The following GPSM1 variants were observed in gnomAD, a reference collection of about 807,000 sequenced individuals.
The protein encoded by GPSM1 is G protein-signaling modulator 1.
GPSM1 carries 48 observed loss-of-function variants against 70.5 expected under a neutral mutation model. The observed-to-expected ratio is 0.68, with a 90% CI of 0.54 to 0.87. The LOEUF (loss-of-function observed/expected upper bound fraction) is 0.87. Ranked by LOEUF, GPSM1 falls within the 40% of genes least tolerant of loss-of-function variation. The pLI is 0.00. For synonymous variants in GPSM1, 416 were observed against 430.1 expected, an observed-to-expected ratio of 0.97 and a Z score of 0.41; for missense variants, 981 against 972.6, an observed-to-expected ratio of 1.01 and a Z score of -0.11.
rs570436056 is a variant in GPSM1 at position 136,356,373 on chromosome 9, C to T, written c.1644C>T (p.Thr548=). The change falls in exon 13 of 14, where the codon ACC becomes ACT. Residue 548 remains threonine, a synonymous_variant. Transcript: ENST00000440944. ...CCTCGATGACGGCCTCGCCCCAGAC[C>T]GAGGAATTCTTCGACCTCATCGCCA... ...AQPSMTASPQ[T]EEFFDLIASS... The T allele has an allele frequency of 6.5e-5, 104 of 1,604,098 alleles. No homozygotes were observed. The South Asian group carries it at 6.5e-4, about 10-fold the overall frequency.
chr9:136,337,743 C>G (rs1433478629), intron 5 of GPSM1, 103 bp from the exon 6 acceptor site: 1 of 1,053,448 alleles, frequency 9.5e-7, no homozygotes, highest in African/African-American at 1.6e-5. Flanking sequence ...CCCGGACACA[C>G]AGATCTCTGG....
chr9:136,333,627 G>A (rs782474427), intron 1 of GPSM1, among the ~76,000 whole-genome samples: 46 of 152,226 alleles, frequency 3.0e-4, no homozygotes, highest in Non-Finnish European at 5.4e-4. Flanking sequence ...TCAGAAGAGG[G>A]CCTGGCCCTT....
chr9:136,338,147 G>A (rs1832294799), intron 6 of GPSM1, among the ~76,000 whole-genome samples, 186 bp downstream of exon 6: 2 of 152,288 alleles, frequency 1.3e-5, no homozygotes, highest in South Asian at 2.1e-4. Context: ...CAGGCGGTGG[G>A]GGAGCCGGCC....
intron 2 of GPSM1, among the ~76,000 whole-genome samples, 166 bp downstream of exon 2, chr9:136,334,834 G>A (rs1311512329): frequency 1.3e-5 from 2 of 150,894 alleles, no homozygotes; most frequent in African/African-American, 2.4e-5. Flanking sequence ...GGTGAGTGGG[G>A]ACGGCCCTGC....
At position 136,355,801 on chromosome 9, in the gene GPSM1, G is replaced by A. The variant is rs782806943; in HGVS notation, c.1567G>A (p.Gly523Arg). Reference protein sequence around the residue: ...QRCPLDDGQAGAAEATAAPTL... With the variant: ...QRCPLDDGQARAAEATAAPTL... ...TTGTCCCCTGGACGATGGCCAGGCC[G>A]GGGCTGCCGAGGCCACGGCCGCCCC... Residue 523 changes from glycine to arginine, a missense_variant, in exon 12 of 14, where the codon GGG (glycine) becomes AGG (arginine). Transcript: ENST00000440944. 5.3e-5 allele frequency: 85 copies of A among 1,611,624 alleles called. No homozygotes were observed. In the Middle Eastern group the frequency reaches 6.6e-4, roughly 12 times the overall value.
intron 7 of GPSM1, 136 bp downstream of exon 7, chr9:136,338,846 T>TC: frequency 1.1e-6 from 1 of 914,736 alleles, no homozygotes; most frequent in Non-Finnish European, 1.6e-6. Flanking sequence ...GCAACGCCAC[T>TC]GTGGGGACTG....
chr9:136,332,861 A>C (rs1483245271), intron 1 of GPSM1, among the ~76,000 whole-genome samples: 1 of 138,374 alleles, frequency 7.2e-6, no homozygotes, highest in Non-Finnish European at 1.6e-5. Flanking sequence ...AAAAAAAAAA[A>C]AGCTGGGCAT....
At chr9:136,329,819 TCTGGGTCGGTGGGGACGGGGCCCTGGGTG>T (rs1832060181) in intron 1 of GPSM1, among the ~76,000 whole-genome samples, 1 of 107,058 alleles carries the variant, frequency 9.3e-6, no homozygotes, top group Non-Finnish European at 2.0e-5. Flanking sequence ...GCCCCTGGGT[TCTGGGTCGGTGGGGACGGGGCCCTGGGTG>T]CTGGGTCGGT....
chr9:136,337,409 A>G, intron 4 of GPSM1, 32 bp from the exon 5 acceptor site: 1 of 1,562,598 alleles, frequency 6.4e-7, no homozygotes, highest in Non-Finnish European at 8.7e-7. Flanking sequence ...ATGGGCTGGG[A>G]GGGACACGGC....
chr9:136,354,624 T>G (rs1832762797), intron 11 of GPSM1, among the ~76,000 whole-genome samples: 1 of 152,184 alleles, frequency 6.6e-6, no homozygotes. Flanking sequence ...CAAACACCCT[T>G]CAGCCCTGGG....
chr9:136,338,987 A>T (rs1434537006), intron 7 of GPSM1, among the ~76,000 whole-genome samples: 1 of 152,196 alleles, frequency 6.6e-6, no homozygotes, highest in Non-Finnish European at 1.5e-5. Flanking sequence ...CACTCTCTGG[A>T]GAGAGACAGG....
intron 9 of GPSM1, among the ~76,000 whole-genome samples, chr9:136,347,019 TG>T (rs1554771371): frequency 2.0e-5 from 3 of 152,158 alleles, no homozygotes; most frequent in African/African-American, 7.2e-5. Flanking sequence ...CCAACCCTGG[TG>T]GCTGTGCTCC....
In GPSM1 at chr9:136,358,130, C is replaced by T. The variant is rs763582102; in HGVS notation, c.1938C>T (p.Asp646=). 33 of 1,610,804 alleles carry T rather than the reference C, an allele frequency of 2.0e-5. No homozygotes were observed. Among genetic ancestry groups the T allele is most frequent in the African/African-American group, 1.7e-4 (13 of 74,848 alleles). The change falls in exon 14 of 14, where the codon GAC becomes GAT. Residue 646 remains aspartate, a synonymous_variant. Transcript: ENST00000440944. ...AGAGGGTGCAGGCTAAGCGCATGGA[C>T]GAGCAGCGGGTGGACCTCGCCGGGG... ...LIQRVQAKRM[D]EQRVDLAGGP...
intron 13 of GPSM1, among the ~76,000 whole-genome samples, chr9:136,356,810 C>T (rs541728505): frequency 1.3e-5 from 2 of 152,186 alleles, no homozygotes; most frequent in East Asian, 3.8e-4. Flanking sequence ...GGCTGTGCCA[C>T]CCCCCTGCCA....
intron 11 of GPSM1, among the ~76,000 whole-genome samples, chr9:136,350,067 C>T (rs143410193): frequency 1.4e-3 from 209 of 152,340 alleles, no homozygotes; most frequent in African/African-American, 4.9e-3. Flanking sequence ...CCTCAGTTTC[C>T]ATCTTGTTCA....
chr9:136,335,896 T>C, intron 2 of GPSM1, 70 bp from the exon 3 acceptor site: 3 of 1,516,620 alleles, frequency 2.0e-6, no homozygotes, highest in South Asian at 1.2e-5. Flanking sequence ...CACCCCATGC[T>C]CAGCCTCCCC....
rs1030682298 is a variant in GPSM1 at position 136,341,409 on chromosome 9, T to A, written c.1207+416T>A. On this transcript the variant is annotated intron_variant, in intron 9 of 13. Coordinates refer to ENST00000440944, the MANE Select transcript of GPSM1 (RefSeq NM_001145638.3). The surrounding 1 kb of genome is among the most constrained non-coding windows in gnomAD (Gnocchi z 6.7). Reference sequence around the variant, plus strand: ...GCTGGGCTGGGCTGTGGGAGCCCTATGTGCCTGGGGCAGTAATCAGGCAAG... The same window carrying A: ...GCTGGGCTGGGCTGTGGGAGCCCTAAGTGCCTGGGGCAGTAATCAGGCAAG... The A allele has an allele frequency of 4.2e-6, 6 of 1,419,516 alleles. No homozygotes were observed. Among genetic ancestry groups the A allele is most frequent in the Middle Eastern group, 2.6e-4 (1 of 3,856 alleles). The allele number at this position is 1,419,516 out of a possible 1,614,324, so 87.9% of individuals were successfully genotyped here.
chr9:136,331,065 G>GC (rs1554768409), intron 1 of GPSM1, among the ~76,000 whole-genome samples: 2 of 152,052 alleles, frequency 1.3e-5, no homozygotes, highest in Non-Finnish European at 1.5e-5. Flanking sequence ...GATAAGACCT[G>GC]CCCCCCCAGT....
At chr9:136,356,573 C>T (rs545886045) in intron 13 of GPSM1, 23 bp downstream of exon 13, 8 of 1,563,522 alleles carry the variant, frequency 5.1e-6, no homozygotes, top group African/African-American at 4.1e-5. Flanking sequence ...CCTGGGCGGG[C>T]GTGGCTCGCG....
Sources: allele counts gnomAD v4.1 joint callset (sites outside exome capture counted in the v4.1 genomes callset), GRCh38; gene constraint gnomAD v4.1.1; non-coding constraint Gnocchi (gnomAD v3.1); transcripts MANE v1.5; gene names NCBI Gene and HGNC (gene_info 2026-07-23, HGNC 2026-07-21).